PCDH11X: variants seen among roughly 807,000 people sequenced by gnomAD.
The protein encoded by PCDH11X is protocadherin 11 X-linked.
A neutral mutation model predicts 53.3 loss-of-function variants in PCDH11X; 18 were observed. The observed-to-expected ratio is 0.34, with a 90% CI of 0.23 to 0.50. The LOEUF (loss-of-function observed/expected upper bound fraction) is 0.50, where lower values mean the gene tolerates loss of function less well. Among genes scored for constraint, PCDH11X ranks in the 20% least tolerant of loss-of-function variants. The pLI, the probability that PCDH11X is intolerant of heterozygous loss-of-function variation, is 0.98. For missense variants in PCDH11X, 570 were observed against 1,032.4 expected, an observed-to-expected ratio of 0.55 and a Z score of 6.14; for synonymous variants, 279 against 393.3, an observed-to-expected ratio of 0.71 and a Z score of 3.44.
intron 9 of PCDH11X, among the ~76,000 whole-genome samples, chrX:92,451,485 T>G (rs1007166482): frequency 5.5e-5 from 6 of 109,653 alleles, no homozygotes; most frequent in African/African-American, 2.0e-4. Context: ...TAAAAACCAC[T>G]GATTTAAATG....
At chrX:92,095,028 C>T (rs16987698) in intron 6 of PCDH11X, among the ~76,000 whole-genome samples, 2,656 of 110,762 alleles carry the variant, frequency 0.024, 73 homozygotes, top group African/African-American at 0.083. Flanking sequence ...CTGAAGAACA[C>T]GGAGCAACAA....
At chrX:92,475,661 C>G (rs1245474125) in intron 10 of PCDH11X, among the ~76,000 whole-genome samples, 2 of 111,568 alleles carry the variant, frequency 1.8e-5, no homozygotes, top group Non-Finnish European at 3.8e-5. Flanking sequence ...GAGATAGTCT[C>G]TTTTGGGTTA....
chrX:92,278,111 G>A lies in PCDH11X; in HGVS notation c.3144+14968G>A, dbSNP rs181371392. On this transcript the variant is annotated intron_variant, in intron 8 of 10. Coordinates refer to ENST00000682573, the MANE Select transcript of PCDH11X (RefSeq NM_032968.5). ...TCTCTACCAGAAAATGAAAGGAATT[G>A]AAATTAAGAGAAGGGAGAGATTGAA... 1.7e-3 allele frequency among the ~76,000 whole-genome samples: 186 copies of A among 111,761 alleles called. 1 individual carries two copies. The highest frequency in any genetic ancestry group is 5.7e-3 in the African/African-American group (176 of 30,774).
At position 91,878,880 on chromosome X, in the gene PCDH11X, C is replaced by T. The variant is rs146719077; in HGVS notation, c.2640C>T (p.Asn880=). The T allele has an allele frequency of 4.8e-5, 58 of 1,209,915 alleles. No homozygotes were observed. Among genetic ancestry groups the T allele is most frequent in the Non-Finnish European group, 4.5e-6 (4 of 895,251 alleles). Residue 880 remains asparagine, a synonymous_variant, in exon 6 of 11, where the codon AAC becomes AAT. Transcript: ENST00000682573. ...KKKKKKHSPK[N]LLLNFVTIEE... ...AGAAGAAGAAGCATTCCCCTAAGAA[C>T]TTGCTGCTTAATTTTGTCACTATTG... is the stretch of plus-strand genomic sequence containing the variant.
intron 8 of PCDH11X, among the ~76,000 whole-genome samples, chrX:92,320,453 A>G (rs1005245018): frequency 3.6e-5 from 4 of 110,650 alleles, no homozygotes; most frequent in African/African-American, 1.3e-4. Context: ...ACACAAACAC[A>G]TACTTTTTTT....
chrX:91,845,039 C>A (rs1420298949), intron 5 of PCDH11X, among the ~76,000 whole-genome samples: 4 of 111,528 alleles, frequency 3.6e-5, no homozygotes, highest in Non-Finnish European at 5.6e-5. Context: ...TTATGGATTA[C>A]TTTTAGTTGA....
At chrX:92,015,744 A>G (rs1214093524) in intron 6 of PCDH11X, among the ~76,000 whole-genome samples, 3 of 111,930 alleles carry the variant, frequency 2.7e-5, no homozygotes, top group Non-Finnish European at 5.6e-5. Flanking sequence ...TGAAGTCTTG[A>G]ACCCCTCAAA....
At chrX:92,189,361 G>A (rs753713592) in intron 6 of PCDH11X, among the ~76,000 whole-genome samples, 1 of 111,584 alleles carries the variant, frequency 9.0e-6, no homozygotes, top group African/African-American at 3.3e-5. Flanking sequence ...CTTGCAGCTC[G>A]ATCCATGTCC....
intron 10 of PCDH11X, among the ~76,000 whole-genome samples, chrX:92,539,404 A>G (rs748542437): frequency 2.7e-5 from 3 of 111,821 alleles, no homozygotes; most frequent in African/African-American, 9.7e-5. Context: ...TAAGTATGCC[A>G]ATTGCATTAA....
chrX:92,075,947 A>G (rs1273282497), intron 6 of PCDH11X, among the ~76,000 whole-genome samples: 2 of 110,431 alleles, frequency 1.8e-5, no homozygotes, highest in East Asian at 5.7e-4. Context: ...ACTAGGCAGT[A>G]GTGTACAAAA....
At chrX:92,107,280 G>A (rs1351156845) in intron 6 of PCDH11X, among the ~76,000 whole-genome samples, 1 of 111,717 alleles carries the variant, frequency 9.0e-6, no homozygotes, top group Non-Finnish European at 1.9e-5. Flanking sequence ...ATATTTTCAG[G>A]GCCTCTTGAG....
Position 92,230,729 on chromosome X carries a change from C to T in PCDH11X, c.3114+29274C>T, listed in dbSNP as rs776084373. ...GCTGGTATCCTGGGAATTCCTTTTA[C>T]TTTTCAGATGAAAAGGGATGAAAAG... On this transcript the variant is annotated intron_variant, in intron 7 of 10. Transcript: ENST00000682573. Among the ~76,000 whole-genome samples the T allele has an allele frequency of 2.8e-5, 3 of 105,635 alleles. No individual in the cohort carries two copies. The South Asian group carries it at 1.2e-3, about 43-fold the overall frequency. 91.7% of individuals were successfully genotyped at this position (105,635 alleles called of 115,157 possible).
At chrX:92,142,497 G>A (rs748473293) in intron 6 of PCDH11X, among the ~76,000 whole-genome samples, 2 of 110,751 alleles carry the variant, frequency 1.8e-5, no homozygotes, top group African/African-American at 6.6e-5. Flanking sequence ...TGGGATTACA[G>A]GCATGAGCCA....
chrX:92,573,680 T>C (rs1922480550), intron 10 of PCDH11X, among the ~76,000 whole-genome samples: 1 of 110,753 alleles, frequency 9.0e-6, no homozygotes, highest in Non-Finnish European at 1.9e-5. Context: ...GCCAGTTTCA[T>C]AGAAATAATA....
Position 92,147,810 on chromosome X carries a change from C to CTTTCTTTCTTTTCTTTCTTTCTTTTT in PCDH11X, c.3034-53565_3034-53564insTTTCTTTCTTTTCTTTCTTTCTTTTT, listed in dbSNP as rs1556065506. 3.8e-4 allele frequency among the ~76,000 whole-genome samples: 27 copies of CTTTCTTTCTTTTCTTTCTTTCTTTTT among 70,207 alleles called. 1 individual carries two copies. The South Asian group carries it at 0.021, about 54-fold the overall frequency. The allele number at this position is 70,207 out of a possible 115,157, so 61.0% of individuals were successfully genotyped here. On this transcript the variant is annotated intron_variant, in intron 6 of 10. Coordinates refer to ENST00000682573, the MANE Select transcript of PCDH11X (RefSeq NM_032968.5). ...TTTCTTTTCCTTTCTTTTCTTCCTT[C>CTTTCTTTCTTTTCTTTCTTTCTTTTT]CTTTCTTTCTTTCTTTCTTTCTTTC...
intron 9 of PCDH11X, among the ~76,000 whole-genome samples, chrX:92,452,463 G>GTATATATATATATATATATA (rs763381982): frequency 2.2e-5 from 1 of 44,731 alleles, no homozygotes; most frequent in Non-Finnish European, 3.7e-5. Flanking sequence ...GTGTGTGTGT[G>GTATATATATATATATATATA]TATATATATA....
chrX:92,369,655 G>T lies in PCDH11X; in HGVS notation c.3145-18080G>T, dbSNP rs1207447255. Among the ~76,000 whole-genome samples, 9 of 111,272 alleles carry T rather than the reference G, an allele frequency of 8.1e-5. No individual in the cohort carries two copies. The East Asian group carries it at 1.7e-3, about 21-fold the overall frequency. On this transcript the variant is annotated intron_variant, in intron 8 of 10. Transcript: ENST00000682573. Reference sequence around the variant, plus strand: ...GCCCTGGTGGTATAGGCACAGGAGGGAATCTCCCGATCTGCAGATTGCAAA... The same window carrying T: ...GCCCTGGTGGTATAGGCACAGGAGGTAATCTCCCGATCTGCAGATTGCAAA...
At chrX:92,279,500 G>A (rs1053934623) in intron 8 of PCDH11X, among the ~76,000 whole-genome samples, 9 of 111,957 alleles carry the variant, frequency 8.0e-5, no homozygotes, top group African/African-American at 2.6e-4. Context: ...GATCTGTTTC[G>A]TATTTTGTAA....
At chrX:92,598,129 CAA>C (rs1213407549) in intron 10 of PCDH11X, among the ~76,000 whole-genome samples, 1 of 111,179 alleles carries the variant, frequency 9.0e-6, no homozygotes, top group East Asian at 2.8e-4. Flanking sequence ...TCAATCCAGG[CAA>C]AGTTTTCTGT....
Sources: allele counts gnomAD v4.1 joint callset (sites outside exome capture counted in the v4.1 genomes callset), GRCh38; gene constraint gnomAD v4.1.1; transcripts MANE v1.5; gene names NCBI Gene and HGNC (gene_info 2026-07-23, HGNC 2026-07-21).